Variants in CSMD1 observed in about 807,000 individuals in gnomAD.
The protein encoded by CSMD1 is CUB and Sushi multiple domains 1, also known as CUB and sushi domain-containing protein 1.
Under a neutral mutation model 417.5 loss-of-function variants are expected in CSMD1, and 213 were observed. The observed-to-expected ratio is 0.51, with a 90% CI of 0.46 to 0.57. The LOEUF (loss-of-function observed/expected upper bound fraction) is 0.57, where lower values mean the gene tolerates loss of function less well. Among genes scored for constraint, CSMD1 ranks in the 20% least tolerant of loss-of-function variants. CSMD1 has a pLI of 0.00. For missense variants in CSMD1, 6,923 were observed against 4,529.7 expected, an observed-to-expected ratio of 1.53 and a Z score of -15.17; for synonymous variants, 2,862 against 1,736.8, an observed-to-expected ratio of 1.65 and a Z score of -16.11.
intron 2 of CSMD1, among the ~76,000 whole-genome samples, chr8:4,489,126 G>A (rs1352127917): frequency 1.3e-5 from 2 of 152,084 alleles, no homozygotes; most frequent in East Asian, 1.9e-4. Flanking sequence ...CGGCCAGGCT[G>A]GTCTCAAACT....
At chr8:4,143,283 T>C (rs1453020481) in intron 3 of CSMD1, among the ~76,000 whole-genome samples, 2 of 151,082 alleles carry the variant, frequency 1.3e-5, no homozygotes, top group African/African-American at 2.5e-5. Flanking sequence ...AAATTTCTCC[T>C]TCAGGCCACA....
intron 12 of CSMD1, among the ~76,000 whole-genome samples, chr8:3,439,811 C>A (rs10096046): frequency 0.12 from 17,941 of 152,060 alleles, 1,114 homozygotes; most frequent in Middle Eastern, 0.16. Flanking sequence ...AGTCTATTAT[C>A]CATTTTGAGT....
chr8:4,269,809 G>A (rs906079482), intron 3 of CSMD1, among the ~76,000 whole-genome samples: 3 of 152,140 alleles, frequency 2.0e-5, no homozygotes, highest in African/African-American at 7.2e-5. Flanking sequence ...ACCCAATGAA[G>A]TCTCAGAATT....
intron 1 of CSMD1, among the ~76,000 whole-genome samples, chr8:4,669,354 A>G (rs1257079589): frequency 6.6e-6 from 1 of 152,164 alleles, no homozygotes; most frequent in Non-Finnish European, 1.5e-5. Flanking sequence ...AATTCCTCCA[A>G]TCCGTATTTC....
chr8:4,317,474 G>C (rs995572288), intron 3 of CSMD1, among the ~76,000 whole-genome samples: 1 of 152,124 alleles, frequency 6.6e-6, no homozygotes, highest in African/African-American at 2.4e-5. Context: ...GCCAGTGTAA[G>C]GCATGTACAT....
chr8:3,283,746 G>A (rs1247034106), intron 26 of CSMD1, among the ~76,000 whole-genome samples: 5 of 152,190 alleles, frequency 3.3e-5, no homozygotes, highest in Non-Finnish European at 5.9e-5. Flanking sequence ...GGAAGAAGCT[G>A]AGCAAAGGAG....
intron 3 of CSMD1, among the ~76,000 whole-genome samples, chr8:4,105,316 T>C (rs1428205913): frequency 6.7e-6 from 1 of 148,506 alleles, no homozygotes. Context: ...TTTAGTGATC[T>C]TAATCTTGTA....
intron 1 of CSMD1, among the ~76,000 whole-genome samples, chr8:4,687,467 G>A (rs977290467): frequency 2.0e-5 from 3 of 152,196 alleles, no homozygotes; most frequent in Non-Finnish European, 4.4e-5. Context: ...AAGTCCACCT[G>A]ATCAATTTAG....
At chr8:4,675,252 T>A (rs1805600575) in intron 1 of CSMD1, among the ~76,000 whole-genome samples, 1 of 152,210 alleles carries the variant, frequency 6.6e-6, no homozygotes, top group Admixed American at 6.5e-5. Flanking sequence ...TTTAAAACAC[T>A]TAAAACTTTC....
intron 1 of CSMD1, chr8:4,788,037 C>G: frequency 1.3e-6 from 2 of 1,591,214 alleles, no homozygotes; most frequent in African/African-American, 2.7e-5. Flanking sequence ...TGAAGGGCTC[C>G]AAATGGTAAA....
chr8:3,649,381 C>A (rs549062203), intron 7 of CSMD1, among the ~76,000 whole-genome samples: 106 of 152,236 alleles, frequency 7.0e-4, no homozygotes, highest in African/African-American at 2.6e-3. Flanking sequence ...TATTAAAATT[C>A]ATCTGTATTA....
intron 62 of CSMD1, among the ~76,000 whole-genome samples, 174 bp downstream of exon 62, chr8:2,960,953 TATATATATATATAC>T (rs1431828516): frequency 0.047 from 6,922 of 145,994 alleles, 404 homozygotes; most frequent in African/African-American, 0.13. Flanking sequence ...TATATATATA[TATATATATATATAC>T]ATATATTGAT....
chr8:4,507,019 C>T (rs1802560533), intron 2 of CSMD1, among the ~76,000 whole-genome samples: 1 of 152,050 alleles, frequency 6.6e-6, no homozygotes, highest in East Asian at 1.9e-4. Flanking sequence ...TTTTCCAGGA[C>T]ATTTTCAAAA....
intron 3 of CSMD1, among the ~76,000 whole-genome samples, chr8:4,343,801 T>A (rs1800623606): frequency 1.3e-5 from 2 of 152,088 alleles, no homozygotes; most frequent in African/African-American, 2.4e-5. Flanking sequence ...TAGAAATATG[T>A]GGAACAGTTC....
At chr8:4,320,287 T>C (rs1422944793) in intron 3 of CSMD1, among the ~76,000 whole-genome samples, 2 of 152,160 alleles carry the variant, frequency 1.3e-5, no homozygotes, top group African/African-American at 4.8e-5. Flanking sequence ...ATAAAATGAA[T>C]ACAAGAGTGT....
Position 3,753,960 on chromosome 8 carries a change from G to A in CSMD1, c.901C>T (p.Arg301Ter). ...AACTGAGCGTTAAATCCTTTGCGTC[G>A]GTGGTTGCTGTCAGAGGTGAAATGG... ...RLHFTSDSNH[R>*]RKGFNAQFQV... The change falls in exon 6 of 70, where the codon CGA (arginine) becomes TGA (stop). Residue 301 changes from arginine to a stop codon, truncating the protein, a stop_gained. Transcript: ENST00000635120. LOFTEE classifies it high-confidence loss of function. The A allele has an allele frequency of 6.2e-7, 1 of 1,612,394 alleles. No individual in the cohort carries two copies. Among genetic ancestry groups the A allele is most frequent in the Non-Finnish European group, 8.5e-7 (1 of 1,179,022 alleles).
At chr8:3,682,444 C>T (rs1563268328) in intron 7 of CSMD1, among the ~76,000 whole-genome samples, 1 of 152,164 alleles carries the variant, frequency 6.6e-6, no homozygotes, top group Non-Finnish European at 1.5e-5. Flanking sequence ...TGAAAAAATG[C>T]TCATCATCAC....
intron 1 of CSMD1, among the ~76,000 whole-genome samples, chr8:4,847,518 C>T (rs1585205445): frequency 6.6e-6 from 1 of 152,098 alleles, no homozygotes; most frequent in Non-Finnish European, 1.5e-5. Flanking sequence ...TAGTGTCATA[C>T]ACTTGTCATG....
At chr8:3,953,057 G>A (rs962088048) in intron 5 of CSMD1, among the ~76,000 whole-genome samples, 1 of 151,586 alleles carries the variant, frequency 6.6e-6, no homozygotes, top group African/African-American at 2.4e-5. Flanking sequence ...TCAATGAAAA[G>A]AACAGAAAAG....
Sources: gnomAD v4.1 joint callset for allele counts (sites outside exome capture counted in the v4.1 genomes callset) on GRCh38, gnomAD v4.1.1 for gene constraint, MANE v1.5 for transcripts, NCBI Gene and HGNC (gene_info 2026-07-23, HGNC 2026-07-21) for gene names.